Variants in CSMD1 observed in about 807,000 individuals in gnomAD.
The protein encoded by CSMD1 is CUB and Sushi multiple domains 1, also known as CUB and sushi domain-containing protein 1.
In CSMD1, 213 loss-of-function variants were observed where a neutral mutation model predicts 417.5. The ratio of observed to expected loss-of-function variants is 0.51; its 90% CI spans 0.46 to 0.57. CSMD1 has a LOEUF of 0.57. Ranked by LOEUF, CSMD1 falls within the 20% of genes least tolerant of loss-of-function variation. The pLI is 0.00. For synonymous variants in CSMD1, 2,862 were observed against 1,736.8 expected (o/e 1.65, Z -16.11); for missense variants, 6,923 against 4,529.7 (o/e 1.53, Z -15.17).
intron 3 of CSMD1, among the ~76,000 whole-genome samples, chr8:4,136,701 G>A (rs1647352): frequency 0.99 from 150,985 of 152,312 alleles, 74,851 homozygotes; most frequent in Middle Eastern, 1. Context: ...CAGAGACTAC[G>A]TAACATCTTA....
chr8:4,815,780 G>A (rs1454619565), intron 1 of CSMD1, among the ~76,000 whole-genome samples: 1 of 148,778 alleles, frequency 6.7e-6, no homozygotes, highest in Non-Finnish European at 1.5e-5. Context: ...ACATTTTACA[G>A]ATATTAGTAA....
chr8:3,495,527 A>G (rs1796329436), intron 10 of CSMD1, among the ~76,000 whole-genome samples: 1 of 152,224 alleles, frequency 6.6e-6, no homozygotes, highest in Non-Finnish European at 1.5e-5. Context: ...TTTCATCTCA[A>G]CAATCAGCAG....
At chr8:4,425,310 G>C (rs771484349) in intron 2 of CSMD1, among the ~76,000 whole-genome samples, 5 of 151,154 alleles carry the variant, frequency 3.3e-5, no homozygotes, top group African/African-American at 4.9e-5. Context: ...GACGTATGTA[G>C]GGAAAATATA....
At chr8:3,041,326 G>A (rs916383295) in intron 50 of CSMD1, among the ~76,000 whole-genome samples, 6 of 151,990 alleles carry the variant, frequency 3.9e-5, no homozygotes, top group African/African-American at 1.5e-4. Context: ...TATTAATATA[G>A]AACAAGCAAA....
At chr8:4,398,228 G>A (rs960018738) in intron 3 of CSMD1, among the ~76,000 whole-genome samples, 1 of 152,110 alleles carries the variant, frequency 6.6e-6, no homozygotes, top group Non-Finnish European at 1.5e-5. Context: ...TATGTGGTGG[G>A]CCTCACTCCA....
chr8:4,065,999 C>T (rs1451662219), intron 3 of CSMD1, among the ~76,000 whole-genome samples: 1 of 152,172 alleles, frequency 6.6e-6, no homozygotes, highest in Non-Finnish European at 1.5e-5. Context: ...GAAGGAGACC[C>T]TTCTCCACGA....
At chr8:3,565,500 T>G (rs1175962289) in intron 10 of CSMD1, among the ~76,000 whole-genome samples, 1 of 152,184 alleles carries the variant, frequency 6.6e-6, no homozygotes, top group East Asian at 1.9e-4. Flanking sequence ...CCAATCACAT[T>G]TCAAAATGTC....
chr8:4,075,578 T>C (rs7812522), intron 3 of CSMD1, among the ~76,000 whole-genome samples: 16,750 of 152,260 alleles, frequency 0.11, 1,031 homozygotes, highest in Middle Eastern at 0.16. Flanking sequence ...TAAACGATGA[T>C]TAATTTATTC....
intron 12 of CSMD1, among the ~76,000 whole-genome samples, chr8:3,465,046 A>C (rs766685775): frequency 3.6e-4 from 55 of 152,184 alleles, no homozygotes; most frequent in Non-Finnish European, 7.1e-4. Flanking sequence ...ATACTAGGGA[A>C]TATGTATAAC....
chr8:4,339,508 A>T (rs886952937), intron 3 of CSMD1, among the ~76,000 whole-genome samples: 1 of 152,138 alleles, frequency 6.6e-6, no homozygotes, highest in Non-Finnish European at 1.5e-5. Context: ...GTTTAAATTT[A>T]TAAGACTTCA....
chr8:4,435,796 G>A (rs1439521610), intron 2 of CSMD1, among the ~76,000 whole-genome samples: 2 of 152,200 alleles, frequency 1.3e-5, no homozygotes, highest in Non-Finnish European at 2.9e-5. Flanking sequence ...GACAATAGAA[G>A]ACAGACCGTG....
chr8:3,467,072 G>C (rs992747673), intron 12 of CSMD1, among the ~76,000 whole-genome samples: 1 of 152,220 alleles, frequency 6.6e-6, no homozygotes, highest in East Asian at 1.9e-4. Flanking sequence ...ATCTCAGGGT[G>C]GCTACTGAGA....
intron 47 of CSMD1, among the ~76,000 whole-genome samples, chr8:3,095,954 A>G (rs1357842859): frequency 6.6e-6 from 1 of 152,230 alleles, no homozygotes; most frequent in African/African-American, 2.4e-5. Context: ...ATTTCAAAGA[A>G]TCACACTTGA....
intron 33 of CSMD1, among the ~76,000 whole-genome samples, chr8:3,192,433 A>G (rs1796479889): frequency 6.6e-6 from 1 of 152,216 alleles, no homozygotes; most frequent in African/African-American, 2.4e-5. Flanking sequence ...ACATAGTCTG[A>G]TACACCTTCT....
chr8:3,478,115 C>T (rs1427520156), intron 11 of CSMD1, among the ~76,000 whole-genome samples: 3 of 152,242 alleles, frequency 2.0e-5, no homozygotes, highest in Admixed American at 2.0e-4. Flanking sequence ...GCACACGCCT[C>T]ACTCAAGTAT....
At chr8:3,844,644 A>G (rs536122862) in intron 5 of CSMD1, among the ~76,000 whole-genome samples, 1 of 152,246 alleles carries the variant, frequency 6.6e-6, no homozygotes, top group South Asian at 2.1e-4. Flanking sequence ...AACGGTGGGT[A>G]TGCAGCTGGA....
At position 3,880,528 on chromosome 8, in the gene CSMD1, G is replaced by A. The variant is rs80322305; in HGVS notation, c.818+117375C>T. ...AAATTTGATTTTCTAAAGCCACGTAGTTTATTTTACTAAGTGCTTCTCAGT... is the reference window on the plus strand; with the variant it reads ...AAATTTGATTTTCTAAAGCCACGTAATTTATTTTACTAAGTGCTTCTCAGT... On this transcript the variant is annotated intron_variant, in intron 5 of 69. Coordinates refer to ENST00000635120, the MANE Select transcript of CSMD1 (RefSeq NM_033225.6). 1.6e-4 allele frequency among the ~76,000 whole-genome samples: 24 copies of A among 152,246 alleles called. No homozygotes were observed. The East Asian group carries it at 4.3e-3, about 27-fold the overall frequency.
At chr8:3,401,265 A>C (rs978282405) in intron 15 of CSMD1, among the ~76,000 whole-genome samples, 2 of 152,118 alleles carry the variant, frequency 1.3e-5, no homozygotes, top group African/African-American at 4.8e-5. Context: ...AGTTATTTCT[A>C]TGTGTGAATT....
At chr8:4,348,846 C>T (rs569845328) in intron 3 of CSMD1, among the ~76,000 whole-genome samples, 37 of 152,262 alleles carry the variant, frequency 2.4e-4, no homozygotes, top group Middle Eastern at 3.4e-3. Context: ...TTTTAAGGTA[C>T]GAACATGCTC....
Sources: allele counts gnomAD v4.1 joint callset (sites outside exome capture counted in the v4.1 genomes callset), GRCh38; gene constraint gnomAD v4.1.1; transcripts MANE v1.5; gene names NCBI Gene and HGNC (gene_info 2026-07-23, HGNC 2026-07-21).